HS6ST3: variants seen among roughly 807,000 people sequenced by gnomAD.
HS6ST3 encodes the protein heparan-sulfate 6-O-sulfotransferase 3.
HS6ST3 carries 12 observed loss-of-function variants against 36.7 expected under a neutral mutation model. That is an observed-to-expected ratio of 0.33 (90% CI 0.21 to 0.53). The LOEUF (loss-of-function observed/expected upper bound fraction) is 0.53, where lower values mean the gene tolerates loss of function less well. HS6ST3 is among the 20% of genes least tolerant of loss of function. HS6ST3 has a pLI of 0.95. For synonymous variants in HS6ST3, 240 were observed against 257.5 expected, an observed-to-expected ratio of 0.93 and a Z score of 0.65; for missense variants, 584 against 640.9, an observed-to-expected ratio of 0.91 and a Z score of 0.96.
chr13:96,503,211 C>T (rs2056012532), intron 1 of HS6ST3, among the ~76,000 whole-genome samples: 1 of 152,048 alleles, frequency 6.6e-6, no homozygotes, highest in Non-Finnish European at 1.5e-5. Context: ...TTCTCCTATT[C>T]CTCCTCCTTC....
intron 1 of HS6ST3, among the ~76,000 whole-genome samples, chr13:96,348,027 T>C (rs2055164067): frequency 6.6e-6 from 1 of 152,178 alleles, no homozygotes; most frequent in African/African-American, 2.4e-5. Context: ...CAGTAAATAT[T>C]TGGTGAAGAA....
At chr13:96,688,433 A>G (rs1594836561) in intron 1 of HS6ST3, among the ~76,000 whole-genome samples, 1 of 152,034 alleles carries the variant, frequency 6.6e-6, no homozygotes, top group East Asian at 1.9e-4. Flanking sequence ...AACAGGCAGG[A>G]TTGGTTTAGT....
At chr13:96,469,073 T>C (rs564210200) in intron 1 of HS6ST3, among the ~76,000 whole-genome samples, 1 of 152,296 alleles carries the variant, frequency 6.6e-6, no homozygotes, top group East Asian at 1.9e-4. Flanking sequence ...GAAGTTTTTT[T>C]TCTCCCTCAT....
intron 1 of HS6ST3, among the ~76,000 whole-genome samples, chr13:96,117,925 G>A (rs7323157): frequency 0.017 from 2,613 of 151,542 alleles, 67 homozygotes; most frequent in African/African-American, 0.06. Context: ...GCTGGAGTGC[G>A]GTGGCCTGAT....
At chr13:96,317,369 A>ATGG (rs1566322167) in intron 1 of HS6ST3, among the ~76,000 whole-genome samples, 2 of 17,018 alleles carry the variant, frequency 1.2e-4, no homozygotes, top group Non-Finnish European at 2.2e-4. Flanking sequence ...TATATATATA[A>ATGG]AATTATATAT....
At chr13:96,344,768 A>G (rs2055145809) in intron 1 of HS6ST3, among the ~76,000 whole-genome samples, 1 of 152,128 alleles carries the variant, frequency 6.6e-6, no homozygotes, top group South Asian at 2.1e-4. Flanking sequence ...CTTGTGAACA[A>G]TGTTGTTGTT....
In HS6ST3 at chr13:96,755,223, A is replaced by G. The variant is rs1876796714; in HGVS notation, c.708-77267A>G. Among the ~76,000 whole-genome samples, 3 of 152,148 alleles carry G rather than the reference A, an allele frequency of 2.0e-5. No individual in the cohort carries two copies. In the South Asian group the frequency reaches 6.2e-4, roughly 32 times the overall value. On this transcript the variant is annotated intron_variant, in intron 1 of 1. Coordinates refer to ENST00000376705, the MANE Select transcript of HS6ST3 (RefSeq NM_153456.4). ...TGATCGCCATAAATTAGTTTTATCTATTCATGAATATAATCTAAATCAAAT... is the reference window on the plus strand; with the variant it reads ...TGATCGCCATAAATTAGTTTTATCTGTTCATGAATATAATCTAAATCAAAT...
chr13:96,315,244 G>T (rs2054962725), intron 1 of HS6ST3, among the ~76,000 whole-genome samples: 2 of 152,078 alleles, frequency 1.3e-5, no homozygotes, highest in South Asian at 4.1e-4. Flanking sequence ...ACTGATATTG[G>T]TTGGTTATGA....
intron 1 of HS6ST3, among the ~76,000 whole-genome samples, chr13:96,618,622 G>C (rs2056483001): frequency 6.6e-6 from 1 of 152,150 alleles, no homozygotes; most frequent in Non-Finnish European, 1.5e-5. Flanking sequence ...CTCTCAATTT[G>C]TATTGGCTTC....
intron 1 of HS6ST3, among the ~76,000 whole-genome samples, chr13:96,207,011 A>G (rs1234664744): frequency 6.6e-6 from 1 of 152,220 alleles, no homozygotes; most frequent in Non-Finnish European, 1.5e-5. Flanking sequence ...CTATAATGAG[A>G]GTGAACAGAC....
intron 1 of HS6ST3, among the ~76,000 whole-genome samples, chr13:96,111,879 T>G (rs1436401689): frequency 6.6e-6 from 1 of 152,216 alleles, no homozygotes; most frequent in African/African-American, 2.4e-5. Context: ...AAATGTTTTC[T>G]GAATGGAAGA....
chr13:96,102,786 C>G (rs1185872185), intron 1 of HS6ST3, among the ~76,000 whole-genome samples: 1 of 152,110 alleles, frequency 6.6e-6, no homozygotes, highest in Non-Finnish European at 1.5e-5. Context: ...AGTGCTGTCC[C>G]TGCACTTTCG....
At chr13:96,114,687 G>A (rs918497655) in intron 1 of HS6ST3, among the ~76,000 whole-genome samples, 1 of 152,124 alleles carries the variant, frequency 6.6e-6, no homozygotes, top group African/African-American at 2.4e-5. Context: ...TGTATATAAG[G>A]CCCTGTGCCA....
intron 1 of HS6ST3, among the ~76,000 whole-genome samples, chr13:96,665,672 G>A (rs1566424866): frequency 6.6e-6 from 1 of 152,068 alleles, no homozygotes; most frequent in Non-Finnish European, 1.5e-5. Flanking sequence ...GAATAAACAG[G>A]CCTGATTTGA....
Position 96,372,216 on chromosome 13 carries a change from T to A in HS6ST3, c.707+280647T>A, listed in dbSNP as rs1393520305. Among the ~76,000 whole-genome samples, 11 of 152,354 alleles carry A rather than the reference T, an allele frequency of 7.2e-5. No individual in the cohort carries two copies. In the East Asian group the frequency reaches 1.5e-3, roughly 21 times the overall value. On this transcript the variant is annotated intron_variant, in intron 1 of 1. Transcript: ENST00000376705. ...GTGATATCCCATTATGATCTTGATTTGAATTTCTCTGATGACTACTGATGT... is the reference window on the plus strand; with the variant it reads ...GTGATATCCCATTATGATCTTGATTAGAATTTCTCTGATGACTACTGATGT...
At chr13:96,269,660 C>T (rs184551900) in intron 1 of HS6ST3, among the ~76,000 whole-genome samples, 1 of 151,972 alleles carries the variant, frequency 6.6e-6, no homozygotes, top group Admixed American at 6.6e-5. Context: ...AAAGGAAAGT[C>T]GTCTTTAGCT....
At chr13:96,156,596 C>CA (rs2054111876) in intron 1 of HS6ST3, among the ~76,000 whole-genome samples, 1 of 152,128 alleles carries the variant, frequency 6.6e-6, no homozygotes, top group South Asian at 2.1e-4. Flanking sequence ...CCATGACAGT[C>CA]AAAGGATGCA....
intron 1 of HS6ST3, among the ~76,000 whole-genome samples, chr13:96,139,541 GAAAAA>G (rs57777280): frequency 9.2e-4 from 61 of 66,284 alleles, no homozygotes; most frequent in East Asian, 6.8e-3. Flanking sequence ...GTAAGATTCA[GAAAAA>G]AAAAAAAAAA....
At chr13:96,471,416 G>A (rs553199811) in intron 1 of HS6ST3, among the ~76,000 whole-genome samples, 7 of 152,252 alleles carry the variant, frequency 4.6e-5, no homozygotes, top group South Asian at 2.1e-4. Context: ...TGGTAGAAAC[G>A]TGGCTTCTGG....
Sources: gnomAD v4.1 joint callset for allele counts (sites outside exome capture counted in the v4.1 genomes callset) on GRCh38, gnomAD v4.1.1 for gene constraint, MANE v1.5 for transcripts, NCBI Gene and HGNC (gene_info 2026-07-23, HGNC 2026-07-21) for gene names.